Variants in EYS observed in about 807,000 individuals in gnomAD.
EYS encodes protein eyes shut homolog.
EYS carries 250 observed loss-of-function variants against 282.1 expected under a neutral mutation model. That is an observed-to-expected ratio of 0.89 (90% CI 0.80 to 0.98). The LOEUF (loss-of-function observed/expected upper bound fraction) is 0.98. Ranked by LOEUF, EYS falls within the 50% of genes least tolerant of loss-of-function variation. The pLI is 0.00. For synonymous variants in EYS, 1,355 were observed against 1,282.9 expected (o/e 1.06, Z -1.20); for missense variants, 4,016 against 3,709.0 (o/e 1.08, Z -2.15).
At chr6:65,693,301 T>A (rs1769312326) in intron 1 of EYS, among the ~76,000 whole-genome samples, 1 of 149,766 alleles carries the variant, frequency 6.7e-6, no homozygotes, top group South Asian at 2.1e-4. Flanking sequence ...TGCATAATTT[T>A]ACAGTTCATA....
At chr6:65,139,130 A>C (rs1239544869) in intron 12 of EYS, among the ~76,000 whole-genome samples, 1 of 152,110 alleles carries the variant, frequency 6.6e-6, no homozygotes, top group African/African-American at 2.4e-5. Context: ...ACTCATGCAC[A>C]CATATGTTCA....
chr6:65,517,403 T>C (rs2127295723), intron 2 of EYS, among the ~76,000 whole-genome samples: 1 of 152,008 alleles, frequency 6.6e-6, no homozygotes, highest in South Asian at 2.1e-4. Context: ...ATCAATCTTC[T>C]TACTCTACCT....
chr6:64,707,990 T>C (rs188696810), intron 22 of EYS, among the ~76,000 whole-genome samples: 1 of 152,174 alleles, frequency 6.6e-6, no homozygotes, highest in East Asian at 1.9e-4. Flanking sequence ...ATGCATAAAA[T>C]TATATAAAAT....
At chr6:65,369,669 G>A (rs938335030) in intron 8 of EYS, among the ~76,000 whole-genome samples, 5 of 151,324 alleles carry the variant, frequency 3.3e-5, no homozygotes, top group African/African-American at 1.2e-4. Context: ...TTGGCATTTT[G>A]GACTCAATAT....
intron 15 of EYS, among the ~76,000 whole-genome samples, chr6:64,918,088 T>A (rs928083722): frequency 1.3e-5 from 2 of 152,134 alleles, no homozygotes; most frequent in African/African-American, 2.4e-5. Context: ...ATCAACAAAA[T>A]TATATTCATA....
intron 31 of EYS, among the ~76,000 whole-genome samples, chr6:64,106,764 T>A (rs1032252284): frequency 3.3e-5 from 5 of 152,028 alleles, no homozygotes; most frequent in African/African-American, 9.7e-5. Flanking sequence ...AATATTTCTT[T>A]TTTCCATTCT....
chr6:64,593,361 A>C, intron 24 of EYS, 52 bp from the exon 25 acceptor site: 1 of 1,416,564 alleles, frequency 7.1e-7, no homozygotes, highest in Non-Finnish European at 9.6e-7. Flanking sequence ...TTTGTTCCTA[A>C]GAGAAATTGT....
chr6:64,215,113 TG>T, intron 31 of EYS, among the ~76,000 whole-genome samples: 1 of 151,998 alleles, frequency 6.6e-6, no homozygotes, highest in African/African-American at 2.4e-5. Flanking sequence ...AAAATTTGGT[TG>T]AGTTGCTTGA....
At chr6:64,993,779 T>G (rs1392917356) in intron 14 of EYS, among the ~76,000 whole-genome samples, 1 of 150,094 alleles carries the variant, frequency 6.7e-6, no homozygotes, top group African/African-American at 2.4e-5. Context: ...TTCAACCATA[T>G]GGTGGATGAA....
chr6:64,525,464 C>T (rs115603057), intron 26 of EYS, among the ~76,000 whole-genome samples: 3,061 of 151,374 alleles, frequency 0.02, 37 homozygotes, highest in Non-Finnish European at 0.029. Flanking sequence ...TAAATGGGAG[C>T]TGAATAATGA....
chr6:63,970,214 T>C (rs1317639744), intron 35 of EYS, among the ~76,000 whole-genome samples: 1 of 152,222 alleles, frequency 6.6e-6, no homozygotes, highest in African/African-American at 2.4e-5. Context: ...GAAGATATTA[T>C]GTTAAGAATT....
intron 2 of EYS, among the ~76,000 whole-genome samples, chr6:65,511,490 T>C (rs1195677527): frequency 6.6e-6 from 1 of 152,158 alleles, no homozygotes; most frequent in African/African-American, 2.4e-5. Context: ...CTTCTACATA[T>C]GCTTTATCAC....
intron 22 of EYS, among the ~76,000 whole-genome samples, chr6:64,755,191 T>C (rs1256640088): frequency 3.9e-5 from 6 of 152,064 alleles, no homozygotes; most frequent in Non-Finnish European, 8.8e-5. Flanking sequence ...CCATTCATAA[T>C]ACCTATAAAA....
intron 35 of EYS, among the ~76,000 whole-genome samples, chr6:63,873,002 G>A (rs1306677912): frequency 6.6e-6 from 1 of 151,620 alleles, no homozygotes; most frequent in Non-Finnish European, 1.5e-5. Flanking sequence ...ATCTTTTTTT[G>A]TTTTTTATTT....
At chr6:65,283,336 T>C (rs1160561515) in intron 12 of EYS, among the ~76,000 whole-genome samples, 2 of 151,968 alleles carry the variant, frequency 1.3e-5, no homozygotes, top group Non-Finnish European at 2.9e-5. Flanking sequence ...TTGATATTTA[T>C]TTTATAATTC....
chr6:64,229,788 T>C (rs1240249392), intron 31 of EYS, among the ~76,000 whole-genome samples: 1 of 152,106 alleles, frequency 6.6e-6, no homozygotes, highest in Non-Finnish European at 1.5e-5. Flanking sequence ...AACATTAGGA[T>C]GTCCCACATT....
At chr6:64,434,815 A>G (rs1774685263) in intron 28 of EYS, among the ~76,000 whole-genome samples, 1 of 152,106 alleles carries the variant, frequency 6.6e-6, no homozygotes, top group Admixed American at 6.6e-5. Flanking sequence ...AACTATAATT[A>G]TGATTTTTTA....
chr6:64,324,698 A>G (rs1028318220), intron 29 of EYS, among the ~76,000 whole-genome samples: 1 of 152,198 alleles, frequency 6.6e-6, no homozygotes, highest in African/African-American at 2.4e-5. Context: ...ATGTGATGGG[A>G]CTGTATATTT....
At chr6:65,157,108 C>T (rs928610041) in intron 12 of EYS, among the ~76,000 whole-genome samples, 5 of 151,110 alleles carry the variant, frequency 3.3e-5, no homozygotes, top group Admixed American at 1.3e-4. Context: ...AAAATATCTC[C>T]ATTAGAGTGT....
Sources: gnomAD v4.1 joint callset for allele counts (sites outside exome capture counted in the v4.1 genomes callset) on GRCh38, gnomAD v4.1.1 for gene constraint, MANE v1.5 for transcripts, NCBI Gene and HGNC (gene_info 2026-07-23, HGNC 2026-07-21) for gene names.